The following COA1 variants were observed in gnomAD, a reference collection of about 807,000 sequenced individuals.
The protein encoded by COA1 is cytochrome c oxidase assembly factor 1 homolog.
A neutral mutation model predicts 16.0 loss-of-function variants in COA1; 13 were observed. The ratio of observed to expected loss-of-function variants is 0.81; its 90% CI spans 0.53 to 1.29. COA1 has a LOEUF of 1.29. Ranked by LOEUF, COA1 falls within the 50% of genes most tolerant of loss-of-function variation. The pLI is 0.00. For missense variants in COA1, 179 were observed against 177.0 expected, an observed-to-expected ratio of 1.01 and a Z score of -0.06; for synonymous variants, 65 against 65.7, an observed-to-expected ratio of 0.99 and a Z score of 0.05.
intron 1 of COA1, among the ~76,000 whole-genome samples, chr7:43,703,592 CTTCT>C (rs1280204381): frequency 6.6e-6 from 1 of 152,062 alleles, no homozygotes; most frequent in Non-Finnish European, 1.5e-5. Flanking sequence ...ATGTAATGCC[CTTCT>C]TTGTCCTTTT....
At position 43,639,919 on chromosome 7, in the gene COA1, C is replaced by T. The variant is rs375748397; in HGVS notation, c.342-238G>A. 9.2e-5 allele frequency among the ~76,000 whole-genome samples: 14 copies of T among 152,268 alleles called. No homozygotes were observed. The East Asian group carries it at 2.5e-3, about 27-fold the overall frequency. ...ATGACTGACAGGCGAATGGAAGGGA[C>T]ATCAGGAAGAAGGAGCAGTTTATTT... On this transcript the variant is annotated intron_variant, in intron 5 of 5. Coordinates refer to ENST00000223336, the MANE Select transcript of COA1 (RefSeq NM_018224.4).
At chr7:43,639,713 T>TC in intron 5 of COA1, 32 bp from the exon 6 acceptor site, 1 of 1,551,190 alleles carries the variant, frequency 6.4e-7, no homozygotes, top group African/African-American at 1.4e-5. Context: ...GTATCTCTAA[T>TC]CTATGAAGGC....
intron 1 of COA1, among the ~76,000 whole-genome samples, chr7:43,679,359 A>G (rs1306749918): frequency 1.3e-5 from 2 of 152,064 alleles, no homozygotes; most frequent in African/African-American, 4.8e-5. Context: ...ATGAAAAGCA[A>G]GTTCTGAAAC....
At chr7:43,667,380 A>G (rs2092955054) in intron 1 of COA1, among the ~76,000 whole-genome samples, 1 of 152,190 alleles carries the variant, frequency 6.6e-6, no homozygotes, top group Non-Finnish European at 1.5e-5. Context: ...AATATTTCCA[A>G]TCTTCTTTAA....
At chr7:43,637,982 G>A (rs536981242), downstream of COA1, among the ~76,000 whole-genome samples, 5 of 152,276 alleles carry the variant, frequency 3.3e-5, no homozygotes, top group Non-Finnish European at 7.4e-5. Flanking sequence ...ATAGACAATA[G>A]GACAGTGTGT....
chr7:43,656,729 G>C (rs1224403416), intron 1 of COA1, among the ~76,000 whole-genome samples: 1 of 151,948 alleles, frequency 6.6e-6, no homozygotes, highest in Non-Finnish European at 1.5e-5. Flanking sequence ...TTGAGACAAA[G>C]ATAAACAATA....
At chr7:43,718,568 TACAG>T (rs1425730715) in intron 1 of COA1, among the ~76,000 whole-genome samples, 1 of 152,348 alleles carries the variant, frequency 6.6e-6, no homozygotes, top group South Asian at 2.1e-4. Flanking sequence ...TGACTTCCCA[TACAG>T]AAACATAACT....
intron 5 of COA1, among the ~76,000 whole-genome samples, chr7:43,640,129 TG>T (rs1291970954): frequency 6.6e-6 from 1 of 152,022 alleles, no homozygotes; most frequent in Non-Finnish European, 1.5e-5. Context: ...AGGCTTCCCG[TG>T]GGGGAAGTGA....
intron 1 of COA1, among the ~76,000 whole-genome samples, chr7:43,692,644 G>A (rs2094412483): frequency 1.3e-5 from 2 of 152,198 alleles, no homozygotes; most frequent in South Asian, 4.1e-4. Flanking sequence ...ATGTACAGAT[G>A]TGTATTTTTC....
At chr7:43,720,623 CGA>C (rs1426309836) in intron 1 of COA1, among the ~76,000 whole-genome samples, 2 of 151,802 alleles carry the variant, frequency 1.3e-5, no homozygotes, top group African/African-American at 4.8e-5. Flanking sequence ...TTCTGTGCAA[CGA>C]GAGAGGTAAA....
At chr7:43,634,440 G>T (rs147233040), downstream of COA1, among the ~76,000 whole-genome samples, 1 of 152,152 alleles carries the variant, frequency 6.6e-6, no homozygotes, top group South Asian at 2.1e-4. Flanking sequence ...GCAGCTTCCC[G>T]CTAGAACACG....
At chr7:43,651,555 G>A (rs1159025898) in intron 1 of COA1, among the ~76,000 whole-genome samples, 1 of 152,090 alleles carries the variant, frequency 6.6e-6, no homozygotes, top group African/African-American at 2.4e-5. Context: ...CAGGACCAGA[G>A]GAAGCATCAC....
At chr7:43,649,152 T>C (rs1563250356) in intron 1 of COA1, 1 of 152,802 alleles carries the variant, frequency 6.5e-6, no homozygotes, top group Non-Finnish European at 1.5e-5. Context: ...TGTACTATTC[T>C]AAGCACTTTA....
intron 6 of COA1, among the ~76,000 whole-genome samples, chr7:43,614,571 A>G (rs890452358): frequency 1.3e-5 from 2 of 152,242 alleles, no homozygotes; most frequent in Non-Finnish European, 2.9e-5. Context: ...TATTTAGAGA[A>G]GCAAAGTCTA....
intron 1 of COA1, among the ~76,000 whole-genome samples, chr7:43,674,503 T>C (rs980054938): frequency 2.6e-5 from 4 of 152,242 alleles, no homozygotes; most frequent in African/African-American, 7.2e-5. Flanking sequence ...TATAAAACTC[T>C]ATAATTTTGA....
intron 1 of COA1, among the ~76,000 whole-genome samples, chr7:43,666,519 A>T (rs776253808): frequency 1.2e-4 from 18 of 152,232 alleles, no homozygotes; most frequent in Admixed American, 7.2e-4. Context: ...CTATAAAAAG[A>T]GCTCTAATTG....
At chr7:43,694,865 CTTGGTTGTTCAAGATTA>C (rs2094481730) in intron 1 of COA1, among the ~76,000 whole-genome samples, 3 of 152,234 alleles carry the variant, frequency 2.0e-5, no homozygotes, top group Admixed American at 1.3e-4. Context: ...GCACCTGGAA[CTTGGTTGTTCAAGATTA>C]AACTCCAGGC....
Position 43,691,260 on chromosome 7 carries a change from G to A in COA1, c.-39+38169C>T, listed in dbSNP as rs1192454736. On this transcript the variant is annotated intron_variant, in intron 1 of 5. Coordinates refer to ENST00000223336, the MANE Select transcript of COA1 (RefSeq NM_018224.4). ...CAAGACCTTGACTCAAAAAAAGAAA[G>A]AAAGAAAAGAAAGAAAGAAAGAAAG... Among the ~76,000 whole-genome samples the A allele has an allele frequency of 2.9e-3, 98 of 33,370 alleles. 2 individuals are homozygous for A. The highest frequency in any genetic ancestry group is 0.015 in the African/African-American group (95 of 6,438). The allele number at this position is 33,370 out of a possible 152,430, so 21.9% of individuals were successfully genotyped here.
chr7:43,702,897 T>C (rs1057505007), intron 1 of COA1, among the ~76,000 whole-genome samples: 6 of 152,160 alleles, frequency 3.9e-5, no homozygotes, highest in Non-Finnish European at 8.8e-5. Flanking sequence ...AGTTTTGAGG[T>C]TGGTTTGCTC....
Sources: allele counts gnomAD v4.1 joint callset (sites outside exome capture counted in the v4.1 genomes callset), GRCh38; gene constraint gnomAD v4.1.1; transcripts MANE v1.5; gene names NCBI Gene and HGNC (gene_info 2026-07-23, HGNC 2026-07-21).